Variants in POFUT3 observed in about 807,000 individuals in gnomAD.
POFUT3 encodes GDP-fucose protein O-fucosyltransferase 3.
the POFUT3 span, among the ~76,000 whole-genome samples, chr8:33,453,730 GAGA>G: frequency 2.6e-5 from 4 of 152,118 alleles, no homozygotes; most frequent in Non-Finnish European, 4.4e-5. Flanking sequence ...AGGATCACTT[GAGA>G]CCAGGAGATT....
the POFUT3 span, among the ~76,000 whole-genome samples, chr8:33,388,451 T>G: frequency 5.4e-5 from 8 of 148,604 alleles, no homozygotes; most frequent in South Asian, 1.8e-3. Context: ...ATTCTCCCAC[T>G]TCAGCCTCTC....
At chr8:33,440,191 T>C in the POFUT3 span, among the ~76,000 whole-genome samples, 1 of 152,022 alleles carries the variant, frequency 6.6e-6, no homozygotes, top group Non-Finnish European at 1.5e-5. Flanking sequence ...ATTGAGACCA[T>C]GTCTCTGTGA....
the POFUT3 span, among the ~76,000 whole-genome samples, chr8:33,415,890 T>C: frequency 6.6e-6 from 1 of 152,224 alleles, no homozygotes; most frequent in Admixed American, 6.5e-5. Context: ...GCCACATGTC[T>C]ATAAGCTTCT....
At chr8:33,397,364 T>C in the POFUT3 span, among the ~76,000 whole-genome samples, 1 of 152,296 alleles carries the variant, frequency 6.6e-6, no homozygotes, top group African/African-American at 2.4e-5. Context: ...GGCTCCGCTC[T>C]TGGGGGTGAG....
the POFUT3 span, among the ~76,000 whole-genome samples, chr8:33,437,984 C>T: frequency 6.6e-6 from 1 of 152,052 alleles, no homozygotes; most frequent in Non-Finnish European, 1.5e-5. Flanking sequence ...ATTTAGACAC[C>T]TGTACTCAGG....
At chr8:33,456,882 C>A in the POFUT3 span, among the ~76,000 whole-genome samples, 1 of 151,400 alleles carries the variant, frequency 6.6e-6, no homozygotes. Flanking sequence ...GATTCTCCTG[C>A]CTCAGCCTCC....
chr8:33,391,843 G>C, the POFUT3 span, among the ~76,000 whole-genome samples: 1 of 152,188 alleles, frequency 6.6e-6, no homozygotes, highest in Non-Finnish European at 1.5e-5. Context: ...ATTTGAGTGA[G>C]TGACCCAAAC....
the POFUT3 span, among the ~76,000 whole-genome samples, chr8:33,385,254 G>GGCAT: frequency 1.6e-4 from 25 of 152,140 alleles, no homozygotes; most frequent in Admixed American, 1.6e-3. Flanking sequence ...TGGGGGAAGG[G>GGCAT]GCATTCTTTT....
chr8:33,309,248 T>A, the POFUT3 span, among the ~76,000 whole-genome samples: 1 of 145,608 alleles, frequency 6.9e-6, no homozygotes, highest in African/African-American at 2.5e-5. Flanking sequence ...AAGTTGCTTA[T>A]TACATCAATC....
chr8:33,318,790 AAT>A, the POFUT3 span, among the ~76,000 whole-genome samples: 84 of 48,666 alleles, frequency 1.7e-3, 17 homozygotes, highest in East Asian at 0.049. Context: ...ATATTTATAT[AAT>A]ATATATATAT....
chr8:33,386,429 A>G, the POFUT3 span, among the ~76,000 whole-genome samples: 6 of 152,118 alleles, frequency 3.9e-5, no homozygotes, highest in Admixed American at 6.6e-5. Context: ...AGGACATCCA[A>G]TCATACTACC....
chr8:33,459,347 A>C, the POFUT3 span, among the ~76,000 whole-genome samples: 1 of 152,022 alleles, frequency 6.6e-6, no homozygotes, highest in Non-Finnish European at 1.5e-5. Context: ...CTCAAAAAAA[A>C]AGTCCTGTGG....
chr8:33,430,982 C>T, the POFUT3 span, among the ~76,000 whole-genome samples: 2 of 152,034 alleles, frequency 1.3e-5, no homozygotes, highest in Non-Finnish European at 2.9e-5. Context: ...CCCCAGAGCC[C>T]CCTCAGCCTC....
the POFUT3 span, among the ~76,000 whole-genome samples, chr8:33,356,519 GT>G: frequency 6.8e-4 from 101 of 148,686 alleles, 1 homozygote; most frequent in African/African-American, 1.6e-3. Context: ...TGATGGGGTT[GT>G]TTTTTTTTTC....
the POFUT3 span, among the ~76,000 whole-genome samples, chr8:33,458,503 T>G: frequency 6.6e-6 from 1 of 152,038 alleles, no homozygotes; most frequent in East Asian, 1.9e-4. Context: ...TCACTTGAGG[T>G]CAGGAGTTCG....
the POFUT3 span, among the ~76,000 whole-genome samples, chr8:33,313,677 C>T: frequency 6.6e-6 from 1 of 152,082 alleles, no homozygotes; most frequent in African/African-American, 2.4e-5. Flanking sequence ...ATTCTGCATA[C>T]TTTCTTTCTT....
the POFUT3 span, among the ~76,000 whole-genome samples, chr8:33,415,979 G>A: frequency 3.9e-5 from 6 of 151,950 alleles, no homozygotes; most frequent in Non-Finnish European, 5.9e-5. Context: ...GTCAATGTAA[G>A]GTAAACCTAC....
chr8:33,428,055 C>T, the POFUT3 span, among the ~76,000 whole-genome samples: 22 of 152,078 alleles, frequency 1.4e-4, no homozygotes, highest in African/African-American at 4.6e-4. Context: ...AACCAGGAGG[C>T]GGAGGTTGCA....
At chr8:33,334,797 A>G in the POFUT3 span, among the ~76,000 whole-genome samples, 2 of 152,230 alleles carry the variant, frequency 1.3e-5, no homozygotes, top group Non-Finnish European at 2.9e-5. Flanking sequence ...TTGTCTTTCC[A>G]GAAAGTGACT....
Sources: allele counts gnomAD v4.1 joint callset (sites outside exome capture counted in the v4.1 genomes callset), GRCh38; gene constraint gnomAD v4.1.1; transcripts MANE v1.5; gene names NCBI Gene and HGNC (gene_info 2026-07-23, HGNC 2026-07-21).